The following CBFA2T2 variants were observed in gnomAD, a reference collection of about 807,000 sequenced individuals.
The protein encoded by CBFA2T2 is protein CBFA2T2.
A neutral mutation model predicts 62.2 loss-of-function variants in CBFA2T2; 11 were observed. The ratio of observed to expected loss-of-function variants is 0.18; its 90% confidence interval spans 0.11 to 0.29. The LOEUF (loss-of-function observed/expected upper bound fraction) is 0.29. Among genes scored for constraint, CBFA2T2 ranks in the 10% least tolerant of loss-of-function variants. The pLI, the probability that CBFA2T2 is intolerant of heterozygous loss-of-function variation, is 1.00. For synonymous variants in CBFA2T2, 295 were observed against 287.5 expected (o/e 1.03, Z -0.27); for missense variants, 592 against 774.1 (o/e 0.76, Z 2.79).
chr20:33,547,014 A>C (rs977070708), intron 1 of CBFA2T2, among the ~76,000 whole-genome samples: 2 of 151,682 alleles, frequency 1.3e-5, no homozygotes, highest in Non-Finnish European at 2.9e-5. Context: ...CAGCCTGACC[A>C]GCATGGTGAA....
At chr20:33,600,633 A>G (rs577893299) in intron 1 of CBFA2T2, among the ~76,000 whole-genome samples, 1 of 152,228 alleles carries the variant, frequency 6.6e-6, no homozygotes, top group South Asian at 2.1e-4. Context: ...TATTCAAACT[A>G]TATCCCATGT....
rs372434222 is a variant in CBFA2T2, at chr20:33,522,634, T to C, written c.34+32333T>C. On this transcript the variant is annotated intron_variant, in intron 1 of 10. Transcript: ENST00000342704. ...ATATGTGCCTGTAGTCCCAACCTAC[T>C]TGGGAGGCTGAGGTGGGAGGATCAT... Among the ~76,000 whole-genome samples, 63 of 152,218 alleles carry C rather than the reference T, an allele frequency of 4.1e-4. No homozygotes were observed. In the South Asian group the frequency reaches 5.0e-3, roughly 12 times the overall value.
At chr20:33,642,782 T>C (rs944502451) in intron 10 of CBFA2T2, among the ~76,000 whole-genome samples, 2 of 152,218 alleles carry the variant, frequency 1.3e-5, no homozygotes, top group African/African-American at 2.4e-5. Context: ...TCTCTGTTTA[T>C]CTTTAACTAT....
chr20:33,571,440 G>C (rs1385255431), intron 1 of CBFA2T2, among the ~76,000 whole-genome samples: 1 of 152,024 alleles, frequency 6.6e-6, no homozygotes, highest in East Asian at 1.9e-4. Context: ...ATGTGTACTT[G>C]ACATAAAATC....
At chr20:33,580,905 T>C (rs993116787) in intron 1 of CBFA2T2, among the ~76,000 whole-genome samples, 7 of 152,172 alleles carry the variant, frequency 4.6e-5, no homozygotes, top group Non-Finnish European at 1.0e-4. Flanking sequence ...GTAGGATGTA[T>C]GTGCAGTATA....
intron 1 of CBFA2T2, among the ~76,000 whole-genome samples, chr20:33,592,174 C>T (rs1193728087): frequency 6.6e-6 from 1 of 151,876 alleles, no homozygotes. Flanking sequence ...ACCAGCCTGA[C>T]CAACATGGGG....
intron 1 of CBFA2T2, among the ~76,000 whole-genome samples, chr20:33,515,046 GTGAA>G (rs911807708): frequency 2.6e-5 from 4 of 151,034 alleles, no homozygotes; most frequent in Non-Finnish European, 5.9e-5. Flanking sequence ...AGGTAGGAAT[GTGAA>G]TTAAGAAGTT....
At chr20:33,591,902 T>C (rs1419911255) in intron 1 of CBFA2T2, among the ~76,000 whole-genome samples, 3 of 152,038 alleles carry the variant, frequency 2.0e-5, no homozygotes, top group Non-Finnish European at 4.4e-5. Context: ...TCTGTGTTCA[T>C]GCTGTCTCCA....
chr20:33,596,547 G>A (rs1346606770), intron 1 of CBFA2T2, among the ~76,000 whole-genome samples: 1 of 151,896 alleles, frequency 6.6e-6, no homozygotes, highest in Non-Finnish European at 1.5e-5. Flanking sequence ...TATTTCCTTG[G>A]CTTTTCTTTT....
rs998343479 is a variant in CBFA2T2 at position 33,557,078 on chromosome 20, G to A, written c.35-49878G>A. Reference sequence around the variant, plus strand: ...TGCCCCGGCTGGAGTGCAATGGCATGGTCTTGGCTCACTGCAACCTCCGCC... The same window carrying A: ...TGCCCCGGCTGGAGTGCAATGGCATAGTCTTGGCTCACTGCAACCTCCGCC... On this transcript the variant is annotated intron_variant, in intron 1 of 10. Transcript: ENST00000342704. Among the ~76,000 whole-genome samples the A allele has an allele frequency of 3.2e-5, 4 of 126,704 alleles. No individual in the cohort carries two copies. In the South Asian group the frequency reaches 8.1e-4, roughly 26 times the overall value. 83.1% of individuals were successfully genotyped at this position (126,704 alleles called of 152,430 possible).
chr20:33,504,794 C>A (rs1041617792), intron 1 of CBFA2T2, among the ~76,000 whole-genome samples: 3 of 152,134 alleles, frequency 2.0e-5, no homozygotes, highest in Non-Finnish European at 2.9e-5. Flanking sequence ...ATGACAGTTT[C>A]ACTTGCTTGT....
chr20:33,574,810 G>A (rs1259623915), intron 1 of CBFA2T2, among the ~76,000 whole-genome samples: 2 of 152,162 alleles, frequency 1.3e-5, no homozygotes, highest in East Asian at 3.8e-4. Context: ...TCTTGTAGGT[G>A]GAATGGAGAA....
intron 1 of CBFA2T2, among the ~76,000 whole-genome samples, chr20:33,547,687 A>ATGTGTGTGTGTGTGTGTGTG (rs60988030): frequency 7.2e-6 from 1 of 139,072 alleles, no homozygotes; most frequent in Non-Finnish European, 1.5e-5. Context: ...TCTCAAAAAA[A>ATGTGTGTGTGTGTGTGTGTG]TGTGTGTGTG....
intron 1 of CBFA2T2, among the ~76,000 whole-genome samples, chr20:33,556,648 A>C (rs2012903725): frequency 6.6e-6 from 1 of 152,000 alleles, no homozygotes; most frequent in South Asian, 2.1e-4. Flanking sequence ...TTGCCCAAGC[A>C]GATTTTGAAC....
intron 1 of CBFA2T2, among the ~76,000 whole-genome samples, chr20:33,553,481 C>T (rs2012797665): frequency 6.6e-6 from 1 of 152,238 alleles, no homozygotes; most frequent in African/African-American, 2.4e-5. Flanking sequence ...ATCTACCAGC[C>T]TCAGCCTCCC....
At chr20:33,495,204 C>T (rs2011187119) in intron 1 of CBFA2T2, among the ~76,000 whole-genome samples, 1 of 151,722 alleles carries the variant, frequency 6.6e-6, no homozygotes, top group Non-Finnish European at 1.5e-5. Flanking sequence ...TTGAGACCAG[C>T]ATGGCCAACA....
chr20:33,540,114 A>T (rs2012372571), intron 1 of CBFA2T2, among the ~76,000 whole-genome samples: 1 of 152,212 alleles, frequency 6.6e-6, no homozygotes, highest in Non-Finnish European at 1.5e-5. Context: ...TGGCCATCAA[A>T]CAAGGAGGGT....
At chr20:33,596,495 C>T (rs575553895) in intron 1 of CBFA2T2, among the ~76,000 whole-genome samples, 1 of 152,238 alleles carries the variant, frequency 6.6e-6, no homozygotes, top group African/African-American at 2.4e-5. Context: ...TGCTTACAGC[C>T]CGGTAGATTA....
intron 2 of CBFA2T2, among the ~76,000 whole-genome samples, chr20:33,609,459 A>G (rs2015449319): frequency 6.6e-6 from 1 of 152,072 alleles, no homozygotes; most frequent in Admixed American, 6.6e-5. Flanking sequence ...CTGAGATTAA[A>G]CCACTGCACT....
Sources: allele counts gnomAD v4.1 joint callset (sites outside exome capture counted in the v4.1 genomes callset), GRCh38; gene constraint gnomAD v4.1.1; transcripts MANE v1.5; gene names NCBI Gene and HGNC (gene_info 2026-07-23, HGNC 2026-07-21).